The following MMP15 variants were observed in gnomAD, a reference collection of about 807,000 sequenced individuals.
The protein encoded by MMP15 is matrix metallopeptidase 15.
A neutral mutation model predicts 65.0 loss-of-function variants in MMP15; 36 were observed. The observed-to-expected ratio is 0.55, with a 90% CI of 0.42 to 0.73. MMP15 has a LOEUF of 0.73. Among genes scored for constraint, MMP15 ranks in the 30% least tolerant of loss-of-function variants. MMP15 has a pLI of 0.00. For synonymous variants in MMP15, 428 were observed against 410.2 expected (o/e 1.04, Z -0.52); for missense variants, 870 against 987.8 (o/e 0.88, Z 1.60).
chr16:58,045,515 C>G lies in MMP15; in HGVS notation c.*69C>G. On this transcript the variant is annotated 3_prime_UTR_variant, in exon 10 of 10. Transcript: ENST00000219271. ...TTCTGAGATGGCTCCCAGGGGCTCC[C>G]TCCGCCCCCAGGTAGGGGCCCCTCT... 7.2e-7 allele frequency: 1 copy of G among 1,385,168 alleles called. No homozygotes were observed. The highest frequency in any genetic ancestry group is 9.5e-7 in the Non-Finnish European group (1 of 1,048,198). 85.8% of individuals were successfully genotyped at this position (1,385,168 alleles called of 1,614,324 possible).
intron 2 of MMP15, 22 bp downstream of exon 2, chr16:58,037,642 C>T (rs995224176): frequency 1.9e-6 from 3 of 1,613,882 alleles, no homozygotes; most frequent in African/African-American, 2.7e-5. Flanking sequence ...CCACCATCCA[C>T]ACCCCACAGG....
chr16:58,031,436 C>G (rs938579911), intron 1 of MMP15, among the ~76,000 whole-genome samples: 4 of 152,172 alleles, frequency 2.6e-5, no homozygotes, highest in African/African-American at 9.6e-5. Flanking sequence ...AAGCTCTGCC[C>G]TGTGGACAGC....
intron 1 of MMP15, among the ~76,000 whole-genome samples, chr16:58,028,743 C>T (rs530996640): frequency 2.0e-4 from 31 of 152,316 alleles, no homozygotes; most frequent in African/African-American, 7.5e-4. Flanking sequence ...TCTCCCCTCC[C>T]AGGGTGGAAG....
intron 6 of MMP15, 30 bp from the exon 7 acceptor site, chr16:58,042,201 C>A (rs111375339): frequency 6.2e-7 from 1 of 1,600,340 alleles, no homozygotes; most frequent in South Asian, 1.1e-5. Context: ...AGCTTGCCTG[C>A]GCTGCCCGCT....
chr16:58,033,828 A>G (rs940601919), intron 1 of MMP15, among the ~76,000 whole-genome samples: 5 of 152,258 alleles, frequency 3.3e-5, no homozygotes, highest in Non-Finnish European at 7.3e-5. Flanking sequence ...GCTTGAACTC[A>G]GGAGGCAGAA....
chr16:58,042,476 C>T (rs747651553), intron 7 of MMP15, 107 bp downstream of exon 7: 79 of 1,457,606 alleles, frequency 5.4e-5, no homozygotes, highest in Non-Finnish European at 6.8e-5. Flanking sequence ...ATGTCTGGTC[C>T]TGTGCCCCCA....
rs897938570 is a variant in MMP15 at position 58,026,368 on chromosome 16, C to T, written c.18C>T (p.Ser6=). The T allele has an allele frequency of 3.7e-6, 5 of 1,365,314 alleles. No homozygotes were observed. Among genetic ancestry groups the T allele is most frequent in the Admixed American group, 7.9e-5 (2 of 25,310 alleles). 84.6% of individuals were successfully genotyped at this position (1,365,314 alleles called of 1,614,324 possible). The change falls in exon 1 of 10, where the codon AGC becomes AGT. Residue 6 remains serine (S), a synonymous_variant. Transcript: ENST00000219271. ...CCGAGAGCATGGGCAGCGACCCGAG[C>T]GCGCCCGGACGGCCGGGCTGGACGG... MGSDP[S]APGRPGWTGS...
At chr16:58,035,610 C>A (rs1042224949) in intron 1 of MMP15, among the ~76,000 whole-genome samples, 1 of 152,194 alleles carries the variant, frequency 6.6e-6, no homozygotes, top group Non-Finnish European at 1.5e-5. Context: ...GGTCCTGGTG[C>A]AATCCCCCTT....
In MMP15 at chr16:58,038,389, C is replaced by T. The variant is rs1959380104; in HGVS notation, c.435C>T (p.Thr145=). 1 of 1,614,008 alleles carries T rather than the reference C, an allele frequency of 6.2e-7. No homozygotes were observed. The change falls in exon 3 of 10, where the codon ACC becomes ACT. Residue 145 remains threonine (T), a synonymous_variant. Transcript: ENST00000219271. The stretch of plus-strand genomic sequence containing the variant: ...GGAAGTGGAACAACCACCATCTGAC[C>T]TTTAGGTAGGGGGCTCAGCTGCCCA... ...TGRKWNNHHL[T]FSIQNYTEKL...
chr16:58,027,670 C>G (rs1467179758), intron 1 of MMP15, among the ~76,000 whole-genome samples: 1 of 152,180 alleles, frequency 6.6e-6, no homozygotes, highest in South Asian at 2.1e-4. Flanking sequence ...GGAAGCTTGC[C>G]CTTCCCCGCC....
chr16:58,037,427 G>A lies in MMP15; in HGVS notation c.163-45G>A. The A allele has an allele frequency of 1.9e-6, 3 of 1,600,258 alleles. No individual in the cohort carries two copies. The South Asian group carries it at 3.4e-5, about 18-fold the overall frequency. On this transcript the variant is annotated intron_variant, in intron 1 of 9. Transcript: ENST00000219271. Reference sequence around the variant, plus strand: ...CGGCACAGGCTGTGCATGTTTGGAGGTAGCAGTGCCAGGACCTGCTGACAG... The same window carrying A: ...CGGCACAGGCTGTGCATGTTTGGAGATAGCAGTGCCAGGACCTGCTGACAG...
chr16:58,033,910 G>GA (rs1959282216), intron 1 of MMP15, among the ~76,000 whole-genome samples: 1 of 152,162 alleles, frequency 6.6e-6, no homozygotes, highest in Non-Finnish European at 1.5e-5. Context: ...CTCAAAAAAA[G>GA]AAAAGAAATG....
chr16:58,031,107 T>G (rs557763715), intron 1 of MMP15, among the ~76,000 whole-genome samples: 9 of 151,846 alleles, frequency 5.9e-5, no homozygotes, highest in African/African-American at 1.9e-4. Context: ...CTGTCATTAC[T>G]CAATCTACAA....
intron 3 of MMP15, among the ~76,000 whole-genome samples, chr16:58,038,796 C>G (rs1959387601): frequency 6.6e-6 from 1 of 152,230 alleles, no homozygotes; most frequent in Non-Finnish European, 1.5e-5. Context: ...CAAGAAAACC[C>G]TCCAGCCAAG....
At chr16:58,043,180 A>G in intron 7 of MMP15, 30 bp from the exon 8 acceptor site, 1 of 1,549,808 alleles carries the variant, frequency 6.5e-7, no homozygotes, top group Non-Finnish European at 8.7e-7. Flanking sequence ...CCCAGGCCTG[A>G]CCTCACTGTG....
intron 1 of MMP15, among the ~76,000 whole-genome samples, chr16:58,031,212 C>A (rs1963886350): frequency 6.6e-6 from 1 of 152,202 alleles, no homozygotes; most frequent in Non-Finnish European, 1.5e-5. Context: ...CTCAGTCTGG[C>A]CTGGAGCCCA....
At chr16:58,043,123 T>G in intron 7 of MMP15, 87 bp from the exon 8 acceptor site, 1 of 1,312,726 alleles carries the variant, frequency 7.6e-7, no homozygotes, top group Non-Finnish European at 1.0e-6. Flanking sequence ...GTGAGTGTGA[T>G]TTTGTGGGCC....
At chr16:58,034,318 C>G (rs560033709) in intron 1 of MMP15, among the ~76,000 whole-genome samples, 3 of 152,228 alleles carry the variant, frequency 2.0e-5, no homozygotes, top group Non-Finnish European at 4.4e-5. Flanking sequence ...AAGCTCCCCA[C>G]GCTGCCCACC....
intron 1 of MMP15, among the ~76,000 whole-genome samples, chr16:58,028,171 T>C (rs761395888): frequency 6.6e-6 from 1 of 152,198 alleles, no homozygotes; most frequent in Non-Finnish European, 1.5e-5. Context: ...TCTCTCTCTC[T>C]TCTGCTTTTC....
Sources: allele counts gnomAD v4.1 joint callset (sites outside exome capture counted in the v4.1 genomes callset), GRCh38; gene constraint gnomAD v4.1.1; transcripts MANE v1.5; gene names NCBI Gene and HGNC (gene_info 2026-07-23, HGNC 2026-07-21).